The following EPB41 variants were observed in gnomAD, a reference collection of about 807,000 sequenced individuals.
EPB41 encodes the protein erythrocyte membrane protein band 4.1.
A neutral mutation model predicts 108.0 loss-of-function variants in EPB41; 65 were observed. That is an observed-to-expected ratio of 0.60 (90% confidence interval 0.49 to 0.74). The LOEUF is 0.74. Ranked by LOEUF, EPB41 falls within the 30% of genes least tolerant of loss-of-function variation. The pLI, the probability that EPB41 is intolerant of heterozygous loss-of-function variation, is 0.00. For missense variants in EPB41, 875 were observed against 1,037.0 expected (o/e 0.84, Z 2.15); for synonymous variants, 336 against 358.9 (o/e 0.94, Z 0.72).
chr1:28,974,369 G>C (rs989753488), intron 1 of EPB41, among the ~76,000 whole-genome samples: 2 of 150,994 alleles, frequency 1.3e-5, no homozygotes, highest in African/African-American at 5.0e-5. Context: ...ATTTCTGTTG[G>C]GGCATGTTCT....
chr1:28,952,651 A>G (rs1331260914), intron 1 of EPB41, among the ~76,000 whole-genome samples: 1 of 152,220 alleles, frequency 6.6e-6, no homozygotes, highest in Non-Finnish European at 1.5e-5. Context: ...TGTTTCTTCA[A>G]TAATGTATTT....
intron 1 of EPB41, chr1:28,982,579 AC>A: frequency 6.6e-7 from 1 of 1,505,708 alleles, no homozygotes; most frequent in Non-Finnish European, 9.2e-7. Flanking sequence ...CAGGACAAGC[AC>A]CACCTTCCCA....
intron 10 of EPB41, 131 bp downstream of exon 10, chr1:29,036,054 C>A: frequency 1.4e-6 from 1 of 698,222 alleles, no homozygotes. Context: ...TCATCTTAAG[C>A]AAGACAAAAT....
chr1:28,936,628 A>G (rs913665909), intron 1 of EPB41, among the ~76,000 whole-genome samples: 4 of 152,214 alleles, frequency 2.6e-5, no homozygotes, highest in African/African-American at 9.6e-5. Flanking sequence ...AACATTTCAC[A>G]TAAATGGAAT....
chr1:28,937,628 C>T (rs866324861), intron 1 of EPB41, among the ~76,000 whole-genome samples: 1 of 152,122 alleles, frequency 6.6e-6, no homozygotes, highest in Non-Finnish European at 1.5e-5. Context: ...CTCCTGACCT[C>T]GTGATCTGCC....
At chr1:29,110,252 G>A (rs1199755642) in intron 18 of EPB41, among the ~76,000 whole-genome samples, 1 of 152,090 alleles carries the variant, frequency 6.6e-6, no homozygotes, top group Non-Finnish European at 1.5e-5. Context: ...GGCTGAGGTG[G>A]GAGGATCACT....
intron 16 of EPB41, among the ~76,000 whole-genome samples, chr1:29,067,762 A>G (rs1414702175): frequency 1.3e-5 from 2 of 152,176 alleles, no homozygotes. Flanking sequence ...AGAGCTGAAC[A>G]GTTTCACAAA....
chr1:29,058,526 A>G, intron 12 of EPB41, 63 bp from the exon 13 acceptor site: 1 of 1,431,988 alleles, frequency 7.0e-7, no homozygotes. Context: ...ATTTGGAAAC[A>G]ACACTATTCA....
chr1:29,005,455 A>G (rs2096383656), intron 4 of EPB41, among the ~76,000 whole-genome samples: 1 of 152,194 alleles, frequency 6.6e-6, no homozygotes, highest in African/African-American at 2.4e-5. Context: ...TTTAAATGCC[A>G]TTTCTGTAGT....
intron 1 of EPB41, among the ~76,000 whole-genome samples, chr1:28,936,076 C>T (rs1323984605): frequency 6.6e-6 from 1 of 152,064 alleles, no homozygotes; most frequent in East Asian, 1.9e-4. Flanking sequence ...ATTTATTTGC[C>T]CTTTCTTCTC....
chr1:28,981,439 G>A (rs1423197547), intron 1 of EPB41, among the ~76,000 whole-genome samples: 1 of 152,164 alleles, frequency 6.6e-6, no homozygotes, highest in African/African-American at 2.4e-5. Flanking sequence ...AGCTATTCGT[G>A]GTGATGTAAG....
At chr1:28,983,305 C>T (rs1476871478) in intron 1 of EPB41, among the ~76,000 whole-genome samples, 1 of 152,062 alleles carries the variant, frequency 6.6e-6, no homozygotes, top group African/African-American at 2.4e-5. Context: ...CAAGTATTTC[C>T]TGCTCTTCAT....
intron 4 of EPB41, among the ~76,000 whole-genome samples, chr1:29,009,928 A>G (rs761361638): frequency 2.6e-5 from 4 of 152,234 alleles, no homozygotes; most frequent in Non-Finnish European, 4.4e-5. Context: ...TATATAATCA[A>G]TTTTTAAAAT....
chr1:29,005,348 A>G (rs960889761), intron 4 of EPB41, among the ~76,000 whole-genome samples: 2 of 152,090 alleles, frequency 1.3e-5, no homozygotes, highest in African/African-American at 4.8e-5. Context: ...GTCATCTCCC[A>G]CCAAGCCCCA....
intron 1 of EPB41, among the ~76,000 whole-genome samples, chr1:28,978,922 C>T (rs2095669021): frequency 6.6e-6 from 1 of 151,390 alleles, no homozygotes; most frequent in Non-Finnish European, 1.5e-5. Context: ...CCACTGGCAT[C>T]CTAGAGTCTC....
chr1:29,103,947 G>A (rs1213157104), intron 17 of EPB41, among the ~76,000 whole-genome samples: 3 of 152,330 alleles, frequency 2.0e-5, no homozygotes, highest in East Asian at 3.9e-4. Context: ...GATTACAGGC[G>A]TGATCCACTG....
At chr1:29,012,722 A>G (rs901981809) in intron 5 of EPB41, among the ~76,000 whole-genome samples, 10 of 152,242 alleles carry the variant, frequency 6.6e-5, no homozygotes, top group African/African-American at 2.4e-4. Context: ...TTTGTTTCTT[A>G]GAAGAAAACA....
intron 2 of EPB41, among the ~76,000 whole-genome samples, chr1:28,989,796 G>A (rs1223396620): frequency 6.6e-6 from 1 of 152,014 alleles, no homozygotes; most frequent in Non-Finnish European, 1.5e-5. Flanking sequence ...CACCTCATTT[G>A]GGATTGAAAG....
At chr1:28,976,282 C>T (rs769361307) in intron 1 of EPB41, among the ~76,000 whole-genome samples, 7 of 152,100 alleles carry the variant, frequency 4.6e-5, no homozygotes, top group Non-Finnish European at 7.3e-5. Flanking sequence ...TGGTTTAAGG[C>T]ATGTAGAATA....
Sources: allele counts gnomAD v4.1 joint callset (sites outside exome capture counted in the v4.1 genomes callset), GRCh38; gene constraint gnomAD v4.1.1; transcripts MANE v1.5; gene names NCBI Gene and HGNC (gene_info 2026-07-23, HGNC 2026-07-21).